PAPPA2: variants seen among roughly 807,000 people sequenced by gnomAD.
PAPPA2 encodes the protein pappalysin 2.
Under a neutral mutation model 176.4 loss-of-function variants are expected in PAPPA2, and 86 were observed. The observed-to-expected ratio is 0.49, with a 90% confidence interval of 0.41 to 0.58. The LOEUF (loss-of-function observed/expected upper bound fraction) is 0.58, where lower values mean the gene tolerates loss of function less well. Among genes scored for constraint, PAPPA2 ranks in the 20% least tolerant of loss-of-function variants. PAPPA2 has a pLI of 0.00. For missense variants in PAPPA2, 2,073 were observed against 2,256.9 expected (o/e 0.92, Z 1.65); for synonymous variants, 809 against 852.2 (o/e 0.95, Z 0.88).
intron 17 of PAPPA2, among the ~76,000 whole-genome samples, chr1:176,779,689 A>G (rs1664629811): frequency 1.3e-5 from 2 of 152,216 alleles, no homozygotes. Context: ...AGAATGTATG[A>G]CTATCCCTAT....
At chr1:176,797,518 A>T (rs919104999) in intron 20 of PAPPA2, among the ~76,000 whole-genome samples, 2 of 152,086 alleles carry the variant, frequency 1.3e-5, no homozygotes, top group Non-Finnish European at 2.9e-5. Flanking sequence ...GATATGATAC[A>T]TGCCTGTAGT....
intron 3 of PAPPA2, among the ~76,000 whole-genome samples, chr1:176,646,556 C>A (rs1573188017): frequency 6.7e-6 from 1 of 149,532 alleles, no homozygotes; most frequent in Non-Finnish European, 1.5e-5. Context: ...CCCCACCTGA[C>A]CCCCACTATC....
chr1:176,716,231 C>CTTTTTT (rs371904164), intron 12 of PAPPA2, among the ~76,000 whole-genome samples: 106 of 133,202 alleles, frequency 8.0e-4, no homozygotes, highest in African/African-American at 1.3e-3. Flanking sequence ...TAACCTCTTT[C>CTTTTTT]TTTTTTTTTT....
chr1:176,494,542 C>A (rs1647490047), intron 1 of PAPPA2, among the ~76,000 whole-genome samples: 2 of 152,178 alleles, frequency 1.3e-5, no homozygotes, highest in South Asian at 2.1e-4. Flanking sequence ...CTATTAAAAT[C>A]AAAGAGCCAA....
chr1:176,706,727 C>A (rs577485191), intron 10 of PAPPA2, among the ~76,000 whole-genome samples: 1 of 152,226 alleles, frequency 6.6e-6, no homozygotes, highest in Non-Finnish European at 1.5e-5. Flanking sequence ...AAGTACAGCT[C>A]TAGAATCTGC....
rs1663937194 is a variant in PAPPA2, at chr1:176,765,771, T to C, written c.4257T>C (p.Cys1419=). The C allele has an allele frequency of 6.2e-7, 1 of 1,613,990 alleles. No individual in the cohort carries two copies. The highest frequency in any genetic ancestry group is 1.3e-5 in the African/African-American group (1 of 74,908). The part of the protein sequence containing the change: ...CTSIGPGLMK[C]AITCQRGFAL... Reference sequence around the variant, plus strand: ...CTATAGGCCCAGGTCTCATGAAGTGTGCTATCACTTGTCAAAGGGGATTTG... The same window carrying C: ...CTATAGGCCCAGGTCTCATGAAGTGCGCTATCACTTGTCAAAGGGGATTTG... Residue 1419 remains cysteine, a synonymous_variant, in exon 15 of 23, where the codon TGT becomes TGC. Coordinates refer to ENST00000367662, the MANE Select transcript of PAPPA2 (RefSeq NM_020318.3).
chr1:176,791,577 G>A (rs1557874294), intron 19 of PAPPA2, 95 bp downstream of exon 19: 2 of 1,409,832 alleles, frequency 1.4e-6, no homozygotes, highest in South Asian at 1.4e-5. Flanking sequence ...TTTGTCAGAC[G>A]GAGTCTTGCT....
rs553244544 is a variant in PAPPA2, at chr1:176,545,678, G to A, written c.-916-9729G>A. On this transcript the variant is annotated intron_variant, in intron 1 of 22. Coordinates refer to ENST00000367662, the MANE Select transcript of PAPPA2 (RefSeq NM_020318.3). Reference sequence around the variant, plus strand: ...GCATCCTCAAATTTTGGTGTCCTCAGTGGGTTCCTGGAACCCATTCCTTAT... The same window carrying A: ...GCATCCTCAAATTTTGGTGTCCTCAATGGGTTCCTGGAACCCATTCCTTAT... Among the ~76,000 whole-genome samples the A allele has an allele frequency of 3.9e-4, 60 of 152,250 alleles. No homozygotes were observed. The South Asian group carries it at 0.012, about 31-fold the overall frequency.
chr1:176,499,824 T>C (rs1647856523), intron 1 of PAPPA2, among the ~76,000 whole-genome samples: 1 of 152,164 alleles, frequency 6.6e-6, no homozygotes, highest in South Asian at 2.1e-4. Context: ...TAACAACCTT[T>C]TGGGGTTGTG....
At chr1:176,841,929 C>T (rs1326214038) in intron 22 of PAPPA2, among the ~76,000 whole-genome samples, 2 of 152,082 alleles carry the variant, frequency 1.3e-5, no homozygotes, top group Non-Finnish European at 2.9e-5. Flanking sequence ...ATTAAGTCAC[C>T]CCACATCTCT....
intron 1 of PAPPA2, among the ~76,000 whole-genome samples, chr1:176,511,415 C>G (rs1402085795): frequency 2.6e-5 from 4 of 152,164 alleles, no homozygotes; most frequent in Non-Finnish European, 4.4e-5. Flanking sequence ...CAGTGAATAT[C>G]ATACTTAATG....
chr1:176,514,680 G>A (rs902487631), intron 1 of PAPPA2, among the ~76,000 whole-genome samples: 15 of 152,198 alleles, frequency 9.9e-5, no homozygotes, highest in African/African-American at 3.6e-4. Context: ...AAAACGAGGT[G>A]TAGACTTATT....
At chr1:176,762,198 C>A (rs555488478) in intron 14 of PAPPA2, among the ~76,000 whole-genome samples, 1 of 150,892 alleles carries the variant, frequency 6.6e-6, no homozygotes, top group South Asian at 2.1e-4. Flanking sequence ...AAAGAATTTG[C>A]AGCAGCTGCC....
intron 1 of PAPPA2, among the ~76,000 whole-genome samples, chr1:176,547,161 C>A (rs1162310112): frequency 6.6e-6 from 1 of 152,132 alleles, no homozygotes; most frequent in African/African-American, 2.4e-5. Context: ...GATGTTAGCA[C>A]CTCTCTTTTG....
chr1:176,840,064 C>A, intron 21 of PAPPA2, 109 bp from the exon 22 acceptor site: 1 of 876,630 alleles, frequency 1.1e-6, no homozygotes, highest in East Asian at 2.5e-5. Flanking sequence ...GGGTGCTTTT[C>A]TGTAATATCT....
intron 3 of PAPPA2, among the ~76,000 whole-genome samples, chr1:176,650,662 G>A (rs905640582): frequency 6.6e-6 from 1 of 151,352 alleles, no homozygotes; most frequent in Non-Finnish European, 1.5e-5. Flanking sequence ...TGCGGTGTTT[G>A]GTTTTCTGTA....
chr1:176,607,651 AC>A (rs1370393367), intron 3 of PAPPA2, among the ~76,000 whole-genome samples: 3 of 152,176 alleles, frequency 2.0e-5, no homozygotes, highest in Non-Finnish European at 4.4e-5. Flanking sequence ...AATGTATATG[AC>A]TACTTGTACC....
chr1:176,684,660 A>G lies in PAPPA2; in HGVS notation c.2138-5477A>G, dbSNP rs140035940. 2.9e-3 allele frequency among the ~76,000 whole-genome samples: 449 copies of G among 152,280 alleles called. 4 individuals are homozygous for G. The highest frequency in any genetic ancestry group is 7.8e-3 in the African/African-American group (323 of 41,554). ...GTTTTGAGTATAAAAAATGATAATC[A>G]TATTCCCCATAACTAGAGAGTTGGA... is the stretch of plus-strand genomic sequence containing the variant. On this transcript the variant is annotated intron_variant, in intron 4 of 22. Transcript: ENST00000367662.
chr1:176,630,411 T>C (rs1656274548), intron 3 of PAPPA2, among the ~76,000 whole-genome samples: 1 of 152,138 alleles, frequency 6.6e-6, no homozygotes, highest in African/African-American at 2.4e-5. Flanking sequence ...GTAAAGGATA[T>C]ATTTGGGAAA....
Sources: gnomAD v4.1 joint callset for allele counts (sites outside exome capture counted in the v4.1 genomes callset) on GRCh38, gnomAD v4.1.1 for gene constraint, MANE v1.5 for transcripts, NCBI Gene and HGNC (gene_info 2026-07-23, HGNC 2026-07-21) for gene names.